Variants in CEP128 observed in about 807,000 individuals in gnomAD.
CEP128 encodes the protein centrosomal protein 128kDa.
A neutral mutation model predicts 156.7 loss-of-function variants in CEP128; 132 were observed. The observed-to-expected ratio is 0.84, with a 90% confidence interval of 0.73 to 0.97. CEP128 has a LOEUF of 0.97. CEP128 is among the 50% of genes least tolerant of loss of function. CEP128 has a pLI of 0.00. For synonymous variants in CEP128, 469 were observed against 448.9 expected, an observed-to-expected ratio of 1.04 and a Z score of -0.57; for missense variants, 1,252 against 1,281.9, an observed-to-expected ratio of 0.98 and a Z score of 0.36.
chr14:80,613,029 G>C lies in CEP128; in HGVS notation c.2807-32606C>G, dbSNP rs1167224651. On this transcript the variant is annotated intron_variant, in intron 19 of 24. Coordinates refer to ENST00000555265, the MANE Select transcript of CEP128 (RefSeq NM_152446.5). Reference sequence around the variant, plus strand: ...CGAATTTTTTTTTTTTTTTTTTTTTGTATTTTAGTAGAGACGGGGTTTCAC... The same window carrying C: ...CGAATTTTTTTTTTTTTTTTTTTTTCTATTTTAGTAGAGACGGGGTTTCAC... 6.1e-5 allele frequency among the ~76,000 whole-genome samples: 4 copies of C among 65,704 alleles called. No homozygotes were observed. In the Admixed American group the frequency reaches 6.6e-4, roughly 11 times the overall value. The allele number at this position is 65,704 out of a possible 152,430, so 43.1% of individuals were successfully genotyped here.
At chr14:80,786,558 A>G (rs1901418325) in intron 14 of CEP128, among the ~76,000 whole-genome samples, 1 of 152,236 alleles carries the variant, frequency 6.6e-6, no homozygotes, top group South Asian at 2.1e-4. Flanking sequence ...GCACAAAGAT[A>G]ACATGAGAAC....
chr14:80,850,049 A>AGAGG (rs1371015703), intron 9 of CEP128, among the ~76,000 whole-genome samples: 1 of 152,110 alleles, frequency 6.6e-6, no homozygotes, highest in African/African-American at 2.4e-5. Flanking sequence ...TTTCTTCCAT[A>AGAGG]GAGGGAGGGA....
intron 19 of CEP128, among the ~76,000 whole-genome samples, chr14:80,654,027 A>G (rs1895025969): frequency 6.6e-6 from 1 of 152,136 alleles, no homozygotes; most frequent in South Asian, 2.1e-4. Flanking sequence ...ATAGAAGGTC[A>G]TGGTCAAAAA....
intron 18 of CEP128, among the ~76,000 whole-genome samples, chr14:80,752,992 G>A (rs1219342404): frequency 1.3e-5 from 2 of 151,590 alleles, no homozygotes; most frequent in Non-Finnish European, 2.9e-5. Flanking sequence ...AAATTTGGAA[G>A]TGTATTTCTT....
intron 14 of CEP128, among the ~76,000 whole-genome samples, chr14:80,483,265 A>G (rs1397361715): frequency 6.6e-6 from 1 of 152,218 alleles, no homozygotes; most frequent in Non-Finnish European, 1.5e-5. Context: ...GATGACAGAT[A>G]CAATCCACAA....
At position 80,939,558 on chromosome 14, in the gene CEP128, A is replaced by G. The variant is rs1251714857; in HGVS notation, c.-171-18T>C. ...CAAACCACCTACAAATAAACAAAAC[A>G]AGGGGGTAAGACATACCTACAACTT... On this transcript the variant is annotated intron_variant, in intron 1 of 24. Coordinates refer to ENST00000555265, the MANE Select transcript of CEP128 (RefSeq NM_152446.5). The G allele has an allele frequency of 6.6e-6, 1 of 152,234 alleles. No individual in the cohort carries two copies. The highest frequency in any genetic ancestry group is 6.5e-5 in the Admixed American group (1 of 15,284). The allele number at this position is 152,234 out of a possible 1,614,324, so 9.4% of individuals were successfully genotyped here.
rs1886370402 is a variant in CEP128, at chr14:80,947,341, A to G, written c.-171-7801T>C. Among the ~76,000 whole-genome samples the G allele has an allele frequency of 2.6e-5, 4 of 152,210 alleles. No homozygotes were observed. In the South Asian group the frequency reaches 8.3e-4, roughly 32 times the overall value. On this transcript the variant is annotated intron_variant, in intron 2 of 7. Transcript: ENST00000555529. ...GGCCTTAGAGATGGGGGGTGACCACAGAAAGCAGAAAGGGAGGGGAGTTGA... is the reference window on the plus strand; with the variant it reads ...GGCCTTAGAGATGGGGGGTGACCACGGAAAGCAGAAAGGGAGGGGAGTTGA...
chr14:80,894,648 C>T (rs1435408885), intron 8 of CEP128: 1 of 456,848 alleles, frequency 2.2e-6, no homozygotes, highest in African/African-American at 2.0e-5. Context: ...GGCATTGTAT[C>T]TTCACCTTTC....
chr14:80,643,501 G>T (rs911349234), intron 19 of CEP128, among the ~76,000 whole-genome samples: 3 of 152,136 alleles, frequency 2.0e-5, no homozygotes, highest in African/African-American at 7.2e-5. Context: ...GGTGGATCAT[G>T]AGGTCAGGAG....
At chr14:80,829,715 A>G (rs998775626) in intron 13 of CEP128, among the ~76,000 whole-genome samples, 1 of 152,168 alleles carries the variant, frequency 6.6e-6, no homozygotes, top group East Asian at 1.9e-4. Context: ...CCTTTCCTCC[A>G]ATTGTTTTTC....
At chr14:80,880,948 T>C (rs982844774) in intron 8 of CEP128, among the ~76,000 whole-genome samples, 3 of 147,572 alleles carry the variant, frequency 2.0e-5, no homozygotes, top group Non-Finnish European at 4.5e-5. Context: ...TAGAAATTAC[T>C]ACATTTTTAT....
intron 19 of CEP128, among the ~76,000 whole-genome samples, chr14:80,713,573 C>T (rs1235121515): frequency 6.6e-6 from 1 of 152,076 alleles, no homozygotes; most frequent in African/African-American, 2.4e-5. Context: ...ATATATACAG[C>T]AACACATACA....
chr14:80,840,597 C>T, intron 10 of CEP128, 85 bp downstream of exon 10: 1 of 809,790 alleles, frequency 1.2e-6, no homozygotes, highest in Non-Finnish European at 2.1e-6. Flanking sequence ...TCTAAAGGAT[C>T]CTGGGGACAC....
chr14:80,482,876 G>A lies in CEP128; in HGVS notation c.*311-4469C>T, dbSNP rs530765840. 1.4e-4 allele frequency among the ~76,000 whole-genome samples: 21 copies of A among 152,252 alleles called. No individual in the cohort carries two copies. The East Asian group carries it at 2.5e-3, about 18-fold the overall frequency. On this transcript the variant is annotated intron_variant and NMD_transcript_variant, in intron 14 of 14. Coordinates refer to the CEP128 transcript ENST00000554502. ...CTTAGCCCAAGTAAGAAAATAAATC[G>A]CTAAATGACAAGAAATTGGCCTGTG...
chr14:80,923,570 C>T (rs1410340539), intron 2 of CEP128, among the ~76,000 whole-genome samples: 2 of 152,160 alleles, frequency 1.3e-5, no homozygotes, highest in Admixed American at 6.6e-5. Context: ...TTCACAAAGA[C>T]TGACTAGTGC....
intron 13 of CEP128, among the ~76,000 whole-genome samples, chr14:80,800,081 A>T (rs1411930510): frequency 6.6e-6 from 1 of 152,116 alleles, no homozygotes; most frequent in East Asian, 1.9e-4. Context: ...AACCCTTAAT[A>T]AAAAACCTGC....
Position 80,792,789 on chromosome 14 carries a change from C to T in CEP128, c.1531G>A (p.Val511Ile). ...TTATTCTTGCCTGTCAGTTCATCAACAGTTTCAGATTGTTTCTCCAACGCT... is the reference window on the plus strand; with the variant it reads ...TTATTCTTGCCTGTCAGTTCATCAATAGTTTCAGATTGTTTCTCCAACGCT... ...ERALEKQSET[V>I]DELTGKNNQI... Residue 511 changes from valine (V) to isoleucine (I), a missense_variant, in exon 14 of 25, where the codon GTT (valine) becomes ATT (isoleucine). By Grantham distance (29) the Val-to-Ile change is conservative. Transcript: ENST00000555265. The T allele has an allele frequency of 1.2e-6, 2 of 1,614,074 alleles. No homozygotes were observed. The highest frequency in any genetic ancestry group is 1.1e-5 in the South Asian group (1 of 91,082).
At chr14:80,660,470 A>G (rs1895353107) in intron 19 of CEP128, among the ~76,000 whole-genome samples, 1 of 152,212 alleles carries the variant, frequency 6.6e-6, no homozygotes, top group Admixed American at 6.6e-5. Flanking sequence ...ATCTCTTATC[A>G]GATCTTACAA....
At position 80,676,452 on chromosome 14, in the gene CEP128, TA is replaced by T. The variant is rs956795162; in HGVS notation, c.2806+66622del. On this transcript the variant is annotated intron_variant, in intron 19 of 24. Transcript: ENST00000555265. Reference sequence around the variant, plus strand: ...ATTTCTATTAATTTGTGATTTTTTTTAAAAAAAAAATAATCAGATCATCTCC... The same window carrying T: ...ATTTCTATTAATTTGTGATTTTTTTTAAAAAAAAATAATCAGATCATCTCC... Among the ~76,000 whole-genome samples, 1,093 of 147,148 alleles carry T rather than the reference TA, an allele frequency of 7.4e-3. 13 individuals are homozygous for T. Among genetic ancestry groups the T allele is most frequent in the South Asian group, 0.035 (158 of 4,476 alleles).
Sources: gnomAD v4.1 joint callset for allele counts (sites outside exome capture counted in the v4.1 genomes callset) on GRCh38, gnomAD v4.1.1 for gene constraint, MANE v1.5 for transcripts, NCBI Gene and HGNC (gene_info 2026-07-23, HGNC 2026-07-21) for gene names.